Variants in BICD2 observed in about 807,000 individuals in gnomAD.
The protein encoded by BICD2 is protein bicaudal D homolog 2.
In BICD2, 25 loss-of-function variants were observed where a neutral mutation model predicts 72.9. The ratio of observed to expected loss-of-function variants is 0.34; its 90% CI spans 0.25 to 0.48. The LOEUF is 0.48. Ranked by LOEUF, BICD2 falls within the 20% of genes least tolerant of loss-of-function variation. The pLI is 0.99. For synonymous variants in BICD2, 501 were observed against 516.1 expected (o/e 0.97, Z 0.40); for missense variants, 894 against 1,175.2 (o/e 0.76, Z 3.50).
Position 92,715,083 on chromosome 9 carries a change from G to A in BICD2, c.*71C>T, listed in dbSNP as rs578131120. On this transcript the variant is annotated 3_prime_UTR_variant, in exon 7 of 7. Coordinates refer to ENST00000356884, the MANE Select transcript of BICD2 (RefSeq NM_001003800.2). ...GTCACGTTAAGATTGACCTAGCACC[G>A]CCGTCCCGCTGCTGCTGGGTTAGTT... The A allele has an allele frequency of 1.8e-5, 27 of 1,515,700 alleles. No homozygotes were observed. The East Asian group carries it at 3.7e-4, about 21-fold the overall frequency. 93.9% of individuals were successfully genotyped at this position (1,515,700 alleles called of 1,614,324 possible).
At chr9:92,737,669 T>C (rs1391834863) in intron 1 of BICD2, among the ~76,000 whole-genome samples, 1 of 152,218 alleles carries the variant, frequency 6.6e-6, no homozygotes, top group Non-Finnish European at 1.5e-5. Context: ...CATTCTTTCC[T>C]GACGCCAGTA....
At position 92,734,327 on chromosome 9, in the gene BICD2, C is replaced by T. The variant is rs895664540; in HGVS notation, c.241-5091G>A. ...AGGAGTTCGAGACCATCCTGGCCAA[C>T]ATGGTGAAAACCCGTCTCTACTAAA... On this transcript the variant is annotated intron_variant, in intron 1 of 6. Transcript: ENST00000356884. Among the ~76,000 whole-genome samples the T allele has an allele frequency of 3.3e-5, 5 of 152,108 alleles. No homozygotes were observed. In the South Asian group the frequency reaches 1.0e-3, roughly 32 times the overall value.
At chr9:92,757,974 C>T (rs1217146455) in intron 1 of BICD2, among the ~76,000 whole-genome samples, 1 of 151,744 alleles carries the variant, frequency 6.6e-6, no homozygotes, top group East Asian at 1.9e-4. Flanking sequence ...GAGGCTGAGG[C>T]GAGTGGATCA....
chr9:92,737,048 G>A (rs1258316179), intron 1 of BICD2, among the ~76,000 whole-genome samples: 1 of 151,704 alleles, frequency 6.6e-6, no homozygotes, highest in African/African-American at 2.4e-5. Context: ...GGGTACCTGT[G>A]AGCACGGGCC....
intron 6 of BICD2, among the ~76,000 whole-genome samples, chr9:92,716,087 G>A (rs1007272698): frequency 3.9e-5 from 6 of 152,100 alleles, no homozygotes; most frequent in African/African-American, 1.4e-4. Flanking sequence ...CATATGGGTG[G>A]GGCTTGGTAG....
Position 92,722,668 on chromosome 9 carries a change from G to A in BICD2, c.594C>T (p.Leu198=). 1 of 1,614,224 alleles carries A rather than the reference G, an allele frequency of 6.2e-7. No homozygotes were observed. Among genetic ancestry groups the A allele is most frequent in the Non-Finnish European group, 8.5e-7 (1 of 1,180,034 alleles). The part of the protein sequence containing the change: ...NISLQKQVSV[L]RQNQVEFEGL... ...GCCCAAGACTCACCTGGTTCTGTCT[G>A]AGCACAGACACTTGCTTCTGCAGGC... The change falls in exon 3 of 7, where the codon CTC becomes CTT. Residue 198 remains leucine (L), a synonymous_variant. Coordinates refer to ENST00000356884, the MANE Select transcript of BICD2 (RefSeq NM_001003800.2).
rs1409371442 is a variant in BICD2 at position 92,764,623 on chromosome 9, A to G, written c.122T>C (p.Ile41Thr). 4 of 1,594,418 alleles carry G rather than the reference A, an allele frequency of 2.5e-6. No homozygotes were observed. The highest frequency in any genetic ancestry group is 2.6e-6 in the Non-Finnish European group (3 of 1,171,800). The change falls in exon 1 of 7, where the codon ATC becomes ACC. Residue 41 changes from isoleucine to threonine, a missense_variant. Around this residue, in one of 5 missense-constraint regions of BICD2, gnomAD observed 192 missense variants for 243.6 expected, o/e 0.79. Transcript: ENST00000356884. The surrounding 1 kb of genome is among the most constrained non-coding windows in gnomAD (Gnocchi z 5.5). ...CGCCAGCCCGTACTCGGCCGCCTGG[A>G]TCTTCTCACGCGTGGTCTCGGCCAG... ...HELAETTREK[I>T]QAAEYGLAVL...
At chr9:92,725,215 G>C (rs10821008) in intron 2 of BICD2, among the ~76,000 whole-genome samples, 1 of 152,048 alleles carries the variant, frequency 6.6e-6, no homozygotes, top group Admixed American at 6.5e-5. Flanking sequence ...GAGTCCTCAG[G>C]GTCCTTCATC....
rs1295909911 is a variant in BICD2 at position 92,713,128 on chromosome 9, T to C, written c.*2026A>G. The C allele has an allele frequency of 4.5e-5, 16 of 358,416 alleles. No homozygotes were observed. The Admixed American group carries it at 6.8e-4, about 15-fold the overall frequency. The allele number at this position is 358,416 out of a possible 1,614,324, so 22.2% of individuals were successfully genotyped here. ...ATCAAAAGTGCACAGGTTGATCGGA[T>C]AAAAAAAGAACATGTGTAACAAGGA... On this transcript the variant is annotated 3_prime_UTR_variant, in exon 7 of 7. Transcript: ENST00000356884.
rs1441528772 is a variant in BICD2 at position 92,714,924 on chromosome 9, C to T, written c.*230G>A. The T allele has an allele frequency of 1.5e-6, 2 of 1,358,594 alleles. No individual in the cohort carries two copies. Among genetic ancestry groups the T allele is most frequent in the Non-Finnish European group, 1.9e-6 (2 of 1,058,630 alleles). The allele number at this position is 1,358,594 out of a possible 1,614,324, so 84.2% of individuals were successfully genotyped here. A position where few individuals can be genotyped will look rare whatever the true frequency, so the allele number is the denominator to read the frequency against. Reference sequence around the variant, plus strand: ...CTCTATCCCCACCTCTGACCCCCACCTAAGAGAGCAGCTGAGGACTGGGTG... The same window carrying T: ...CTCTATCCCCACCTCTGACCCCCACTTAAGAGAGCAGCTGAGGACTGGGTG... On this transcript the variant is annotated 3_prime_UTR_variant, in exon 7 of 7. Transcript: ENST00000356884.
At chr9:92,718,059 G>T in intron 5 of BICD2, 111 bp from the exon 6 acceptor site, 1 of 1,365,234 alleles carries the variant, frequency 7.3e-7, no homozygotes, top group Non-Finnish European at 1.0e-6. Context: ...TGCCTGGGAA[G>T]AAAGCTCCTG....
chr9:92,744,442 T>C (rs10992443), intron 1 of BICD2, among the ~76,000 whole-genome samples: 41,869 of 152,140 alleles, frequency 0.28, 6,883 homozygotes, highest in East Asian at 0.76. Context: ...TACATGGGTG[T>C]ACTTACTTTG....
chr9:92,713,244 A>G lies in BICD2; in HGVS notation c.*1910T>C, dbSNP rs1251826007. The G allele has an allele frequency of 1.3e-5, 8 of 611,872 alleles. No individual in the cohort carries two copies. Among genetic ancestry groups the G allele is most frequent in the Non-Finnish European group, 2.0e-5 (7 of 353,442 alleles). The allele number at this position is 611,872 out of a possible 1,614,324, so 37.9% of individuals were successfully genotyped here. On this transcript the variant is annotated 3_prime_UTR_variant, in exon 7 of 7. Coordinates refer to ENST00000356884, the MANE Select transcript of BICD2 (RefSeq NM_001003800.2). ...GGCCCATACAGAGGCCTTTCCACGC[A>G]GCAGCTCGCAGCATGCTCAACATTA...
In BICD2 at chr9:92,714,569, C is replaced by T. The variant is rs1587665355; in HGVS notation, c.*585G>A. The stretch of plus-strand genomic sequence containing the variant: ...AATACAGGGGCTCAGGGCTGCTCTT[C>T]TCTGGGCTTGGGGAAGAAATTCTGC... On this transcript the variant is annotated 3_prime_UTR_variant, in exon 7 of 7. Transcript: ENST00000356884. 1 of 985,640 alleles carries T rather than the reference C, an allele frequency of 1.0e-6. No individual in the cohort carries two copies. Among genetic ancestry groups the T allele is most frequent in the Non-Finnish European group, 1.2e-6 (1 of 830,070 alleles). The allele number at this position is 985,640 out of a possible 1,614,324, so 61.1% of individuals were successfully genotyped here.
chr9:92,762,511 T>C (rs916095819), intron 1 of BICD2, among the ~76,000 whole-genome samples: 4 of 152,154 alleles, frequency 2.6e-5, no homozygotes, highest in African/African-American at 9.7e-5. Context: ...ATGTGGCCAG[T>C]ACATGGAAGC....
chr9:92,760,208 G>C (rs928984702), intron 1 of BICD2, among the ~76,000 whole-genome samples: 1 of 152,146 alleles, frequency 6.6e-6, no homozygotes, highest in Non-Finnish European at 1.5e-5. Flanking sequence ...GCACCCCCAG[G>C]GGCCCAGGGG....
At position 92,729,201 on chromosome 9, in the gene BICD2, C is replaced by T. The variant is rs1397177419; in HGVS notation, c.276G>A (p.Val92=). The T allele has an allele frequency of 6.2e-7, 1 of 1,614,106 alleles. No homozygotes were observed. Among genetic ancestry groups the T allele is most frequent in the Non-Finnish European group, 8.5e-7 (1 of 1,180,064 alleles). The stretch of plus-strand genomic sequence containing the variant: ...CCTCCCGGCTCTCTCCGTCAGCAGC[C>T]ACCTTCTTGTGGTTTGTGTGTGCTT... ...FGQAHTNHKK[V]AADGESREES... The change falls in exon 2 of 7, where the codon GTG becomes GTA. Residue 92 remains valine (V), a synonymous_variant. Transcript: ENST00000356884.
At chr9:92,729,285 G>A (rs367848146) in intron 1 of BICD2, 49 bp from the exon 2 acceptor site, 14 of 1,586,346 alleles carry the variant, frequency 8.8e-6, no homozygotes, top group South Asian at 1.1e-5. Context: ...CAGGGGCGCC[G>A]AAGGATAGAG....
At chr9:92,732,551 A>G (rs1261339427) in intron 1 of BICD2, among the ~76,000 whole-genome samples, 1 of 152,246 alleles carries the variant, frequency 6.6e-6, no homozygotes, top group Non-Finnish European at 1.5e-5. Flanking sequence ...AACCAATTAT[A>G]TAATAAAAAT....
Sources: allele counts gnomAD v4.1 joint callset (sites outside exome capture counted in the v4.1 genomes callset), GRCh38; gene constraint gnomAD v4.1.1; regional missense constraint gnomAD v4.1.1; non-coding constraint Gnocchi (gnomAD v3.1); transcripts MANE v1.5; gene names NCBI Gene and HGNC (gene_info 2026-07-23, HGNC 2026-07-21).